Variants in ADGRG1 observed in about 807,000 individuals in gnomAD.
ADGRG1 encodes adhesion G protein-coupled receptor G1.
A neutral mutation model predicts 73.5 loss-of-function variants in ADGRG1; 53 were observed. That is an observed-to-expected ratio of 0.72 (90% CI 0.58 to 0.91). The LOEUF is 0.91. ADGRG1 is among the 40% of genes least tolerant of loss of function. ADGRG1 has a pLI of 0.00. For missense variants in ADGRG1, 795 were observed against 871.8 expected, an observed-to-expected ratio of 0.91 and a Z score of 1.11; for synonymous variants, 394 against 374.4, an observed-to-expected ratio of 1.05 and a Z score of -0.60.
intron 1 of ADGRG1, among the ~76,000 whole-genome samples, chr16:57,629,793 C>T (rs1247178231): frequency 6.6e-6 from 1 of 152,178 alleles, no homozygotes; most frequent in East Asian, 1.9e-4. Context: ...CCACCCTGGT[C>T]CCCGCGGGGG....
At chr16:57,628,532 G>C (rs1307370134), upstream of ADGRG1, 11 of 985,398 alleles carry the variant, frequency 1.1e-5, no homozygotes, top group African/African-American at 1.4e-4. Context: ...CACATATATC[G>C]TCCGTCATCC....
chr16:57,659,743 A>G lies in ADGRG1; in HGVS notation c.1555+62A>G, dbSNP rs2046623860. The G allele has an allele frequency of 6.3e-6, 10 of 1,577,394 alleles. No individual in the cohort carries two copies. The East Asian group carries it at 2.2e-4, about 35-fold the overall frequency. ...CTCCCACTTGGCTCTGGCAAAACCCAGGCACCTGGTTCTGCCTCTCCACCT... is the reference window on the plus strand; with the variant it reads ...CTCCCACTTGGCTCTGGCAAAACCCGGGCACCTGGTTCTGCCTCTCCACCT... On this transcript the variant is annotated intron_variant, in intron 11 of 13. Coordinates refer to ENST00000562631, the MANE Select transcript of ADGRG1 (RefSeq NM_201525.4).
intron 1 of ADGRG1, chr16:57,643,431 G>A (rs1371792007): frequency 3.2e-6 from 1 of 317,190 alleles, no homozygotes; most frequent in African/African-American, 2.2e-5. Context: ...GGCTGGCAGG[G>A]AGTGCCCCAA....
chr16:57,627,504 T>C (rs1314842096), upstream of ADGRG1, among the ~76,000 whole-genome samples: 1 of 152,248 alleles, frequency 6.6e-6, no homozygotes, highest in African/African-American at 2.4e-5. Flanking sequence ...TTAAGCTCCC[T>C]CTTCTTCATC....
intron 1 of ADGRG1, among the ~76,000 whole-genome samples, chr16:57,644,670 T>G (rs1219380993): frequency 9.0e-6 from 1 of 111,000 alleles, no homozygotes; most frequent in African/African-American, 3.6e-5. Context: ...CACACACTCC[T>G]CACACACTCA....
At chr16:57,646,743 CT>C in intron 1 of ADGRG1, 1 of 962,826 alleles carries the variant, frequency 1.0e-6, no homozygotes, top group Non-Finnish European at 1.2e-6. Flanking sequence ...AACACACAGC[CT>C]TCCCCAGCCT....
chr16:57,628,617 T>C (rs1444624703), upstream of ADGRG1: 1 of 985,290 alleles, frequency 1.0e-6, no homozygotes, highest in South Asian at 4.7e-5. Flanking sequence ...ACAAACCCGG[T>C]CCCTCCCTCT....
chr16:57,653,124 G>T, intron 3 of ADGRG1, 79 bp from the exon 4 acceptor site: 1 of 1,597,128 alleles, frequency 6.3e-7, no homozygotes, highest in South Asian at 1.1e-5. Flanking sequence ...AGTCATGTCA[G>T]GGTGGTAGGG....
At chr16:57,622,188 T>G (rs1050847876) in intron 2 of ADGRG1, 7 of 151,158 alleles carry the variant, frequency 4.6e-5, no homozygotes, top group African/African-American at 1.7e-4. Context: ...AAACCAAAGA[T>G]ACAGCAGTGG....
intron 1 of ADGRG1, chr16:57,643,471 G>A: frequency 1.5e-6 from 1 of 654,478 alleles, no homozygotes; most frequent in Non-Finnish European, 1.9e-6. Flanking sequence ...TTCCCACAGG[G>A]TGTGTCTGGG....
chr16:57,663,097 T>C, intron 13 of ADGRG1: 1 of 983,862 alleles, frequency 1.0e-6, no homozygotes, highest in Non-Finnish European at 1.2e-6. Context: ...GGGTGCAAAA[T>C]CTCACAGTGC....
At chr16:57,630,020 CT>C (rs2037316458) in intron 1 of ADGRG1, 1 of 984,952 alleles carries the variant, frequency 1.0e-6, no homozygotes, top group Admixed American at 6.1e-5. Flanking sequence ...TAGGAATAGC[CT>C]TTGTTGCTCC....
chr16:57,662,193 G>A (rs1400600762), intron 13 of ADGRG1, among the ~76,000 whole-genome samples: 2 of 152,230 alleles, frequency 1.3e-5, no homozygotes, highest in African/African-American at 2.4e-5. Context: ...TTGGGTGTGG[G>A]CCTTGTTCTT....
intron 12 of ADGRG1, 87 bp downstream of exon 12, chr16:57,660,963 AG>A (rs1457410813): frequency 1.2e-6 from 1 of 821,072 alleles, no homozygotes; most frequent in African/African-American, 1.7e-5. Context: ...CATGCTGGCC[AG>A]GGGACACCTG....
At chr16:57,627,194 G>A, upstream of ADGRG1, 1 of 587,228 alleles carries the variant, frequency 1.7e-6, no homozygotes, top group Non-Finnish European at 2.1e-6. Flanking sequence ...ACCTGCAGCA[G>A]CCCTGGCTCC....
At chr16:57,635,206 C>A in intron 1 of ADGRG1, 2 of 985,400 alleles carry the variant, frequency 2.0e-6, no homozygotes, top group Non-Finnish European at 2.4e-6. Flanking sequence ...TGCCCCCCAC[C>A]TGCCTAGAGC....
upstream of ADGRG1, among the ~76,000 whole-genome samples, chr16:57,623,396 C>G (rs1228146002): frequency 2.0e-5 from 3 of 152,198 alleles, no homozygotes; most frequent in Admixed American, 1.3e-4. Context: ...CTCCACTCAC[C>G]AAGGGAGCCA....
intron 9 of ADGRG1, 82 bp from the exon 10 acceptor site, chr16:57,657,291 C>A (rs2045969414): frequency 2.5e-6 from 4 of 1,602,274 alleles, no homozygotes; most frequent in Non-Finnish European, 3.4e-6. Flanking sequence ...CCAGGGACCC[C>A]AGGTTAGCCC....
chr16:57,632,830 C>T, intron 1 of ADGRG1: 1 of 985,400 alleles, frequency 1.0e-6, no homozygotes, highest in Non-Finnish European at 1.2e-6. Flanking sequence ...GGGAGATGGC[C>T]TGGCGGTGGG....
Sources: gnomAD v4.1 joint callset for allele counts (sites outside exome capture counted in the v4.1 genomes callset) on GRCh38, gnomAD v4.1.1 for gene constraint, MANE v1.5 for transcripts, NCBI Gene and HGNC (gene_info 2026-07-23, HGNC 2026-07-21) for gene names.